The following SH3KBP1 variants were observed in gnomAD, a reference collection of about 807,000 sequenced individuals.
SH3KBP1 encodes the protein SH3 domain containing kinase binding protein 1.
In SH3KBP1, 8 loss-of-function variants were observed where a neutral mutation model predicts 50.1. The ratio of observed to expected loss-of-function variants is 0.16; its 90% CI spans 0.09 to 0.29. The LOEUF is 0.29. SH3KBP1 is among the 10% of genes least tolerant of loss of function. SH3KBP1 has a pLI of 1.00. For synonymous variants in SH3KBP1, 227 were observed against 218.6 expected (o/e 1.04, Z -0.34); for missense variants, 377 against 535.2 (o/e 0.70, Z 2.92).
At position 19,534,213 on chromosome X, in the gene SH3KBP1, G is replaced by A. The variant is rs868782725; in HGVS notation, c.*2204C>T. The A allele has an allele frequency of 9.2e-6, 1 of 108,363 alleles. No individual in the cohort carries two copies. Among genetic ancestry groups the A allele is most frequent in the African/African-American group, 3.3e-5 (1 of 29,851 alleles). The allele number at this position is 108,363 out of a possible 1,213,427, so 8.9% of individuals were successfully genotyped here. Reference sequence around the variant, plus strand: ...ATGGTGGCAGTTTGGGTAGCGGCTCGTCCAGTTCCTTGATGCAGAATCCTC... The same window carrying A: ...ATGGTGGCAGTTTGGGTAGCGGCTCATCCAGTTCCTTGATGCAGAATCCTC... On this transcript the variant is annotated 3_prime_UTR_variant, in exon 18 of 18. Transcript: ENST00000397821.
intron 14 of SH3KBP1, among the ~76,000 whole-genome samples, chrX:19,549,294 G>A (rs1849383697): frequency 1.8e-5 from 2 of 111,768 alleles, no homozygotes; most frequent in South Asian, 3.7e-4. Context: ...AAAAGTTAAC[G>A]GTTCTTTGCA....
intron 6 of SH3KBP1, among the ~76,000 whole-genome samples, chrX:19,676,052 C>T (rs1226327917): frequency 1.8e-5 from 2 of 111,869 alleles, no homozygotes; most frequent in East Asian, 5.7e-4. Context: ...TCATTAAAAA[C>T]CACAGGTTTT....
intron 8 of SH3KBP1, among the ~76,000 whole-genome samples, chrX:19,618,397 A>C (rs1255046261): frequency 1.9e-5 from 2 of 107,093 alleles, no homozygotes; most frequent in Admixed American, 1.0e-4. Context: ...AAAAAAAAAA[A>C]AAAAAAAAAA....
chrX:19,692,657 GTGTGTGTGTGTGTA>G (rs200297125), intron 5 of SH3KBP1, among the ~76,000 whole-genome samples: 2 of 78,159 alleles, frequency 2.6e-5, no homozygotes, highest in African/African-American at 1.1e-4. Context: ...GTGTGTGTGT[GTGTGTGTGTGTGTA>G]TGTATATATA....
chrX:19,817,247 T>C lies in SH3KBP1; in HGVS notation c.162+18878A>G, dbSNP rs967615863. ...CTTTTTCAAAATTGTTTTCAAAATGTTTTGACTATTGTAGTTCTCCTGATT... is the reference window on the plus strand; with the variant it reads ...CTTTTTCAAAATTGTTTTCAAAATGCTTTGACTATTGTAGTTCTCCTGATT... On this transcript the variant is annotated intron_variant, in intron 2 of 17. Coordinates refer to ENST00000397821, the MANE Select transcript of SH3KBP1 (RefSeq NM_031892.3). Among the ~76,000 whole-genome samples the C allele has an allele frequency of 5.3e-5, 6 of 112,243 alleles. No individual in the cohort carries two copies. The Admixed American group carries it at 5.7e-4, about 11-fold the overall frequency.
At chrX:19,758,243 G>A (rs911050619) in intron 2 of SH3KBP1, among the ~76,000 whole-genome samples, 12 of 103,739 alleles carry the variant, frequency 1.2e-4, no homozygotes, top group Non-Finnish European at 1.6e-4. Flanking sequence ...CAGGAGAATC[G>A]CTTGAACCCT....
chrX:19,544,485 T>C (rs1434352351), intron 15 of SH3KBP1, among the ~76,000 whole-genome samples: 1 of 111,140 alleles, frequency 9.0e-6, no homozygotes, highest in East Asian at 2.9e-4. Flanking sequence ...TCCAGCACTG[T>C]GACTGTGGCT....
At chrX:19,551,506 T>C (rs767263601) in intron 13 of SH3KBP1, among the ~76,000 whole-genome samples, 1 of 108,402 alleles carries the variant, frequency 9.2e-6, no homozygotes, top group Non-Finnish European at 1.9e-5. Context: ...TAAGAGAACC[T>C]TATTATTATT....
At chrX:19,630,789 T>C (rs754176420) in intron 8 of SH3KBP1, among the ~76,000 whole-genome samples, 1 of 111,969 alleles carries the variant, frequency 8.9e-6, no homozygotes, top group South Asian at 3.7e-4. Context: ...ATTTGGCTCT[T>C]AAAACACACA....
chrX:19,612,057 A>G (rs1244861996), intron 8 of SH3KBP1, among the ~76,000 whole-genome samples: 1 of 109,729 alleles, frequency 9.1e-6, no homozygotes, highest in Non-Finnish European at 1.9e-5. Flanking sequence ...AGTGGGATAG[A>G]GATTTACAGA....
intron 2 of SH3KBP1, among the ~76,000 whole-genome samples, chrX:19,802,253 G>C (rs1202725668): frequency 9.0e-6 from 1 of 111,200 alleles, no homozygotes; most frequent in Non-Finnish European, 1.9e-5. Flanking sequence ...AAATTAGCCA[G>C]TTGTGGTGGC....
intron 3 of SH3KBP1, among the ~76,000 whole-genome samples, chrX:19,741,503 G>A (rs2064768207): frequency 8.9e-6 from 1 of 112,305 alleles, no homozygotes; most frequent in African/African-American, 3.2e-5. Flanking sequence ...TGTATCAGGA[G>A]AGCATAATAA....
intron 12 of SH3KBP1, among the ~76,000 whole-genome samples, chrX:19,587,464 G>A (rs2147967482): frequency 9.0e-6 from 1 of 111,638 alleles, no homozygotes; most frequent in Non-Finnish European, 1.9e-5. Context: ...ACTTAAAATG[G>A]TTAGGATGGT....
At chrX:19,811,303 T>C (rs1290383366) in intron 2 of SH3KBP1, among the ~76,000 whole-genome samples, 2 of 111,776 alleles carry the variant, frequency 1.8e-5, no homozygotes, top group Non-Finnish European at 3.8e-5. Context: ...CCCATGAGGG[T>C]CCCGATATTA....
intron 5 of SH3KBP1, among the ~76,000 whole-genome samples, chrX:19,687,036 C>T (rs752928872): frequency 9.8e-5 from 11 of 112,437 alleles, no homozygotes; most frequent in Non-Finnish European, 1.3e-4. Flanking sequence ...CATCTCCTTC[C>T]CCTCAACTTT....
intron 16 of SH3KBP1, among the ~76,000 whole-genome samples, chrX:19,541,114 G>T (rs371276256): frequency 9.0e-6 from 1 of 111,035 alleles, no homozygotes; most frequent in African/African-American, 3.3e-5. Context: ...ACAGGGTTTC[G>T]CCATGTTGGC....
intron 3 of SH3KBP1, among the ~76,000 whole-genome samples, chrX:19,726,902 T>C (rs942243374): frequency 8.9e-6 from 1 of 112,139 alleles, no homozygotes; most frequent in African/African-American, 3.2e-5. Flanking sequence ...TTTTTACTTA[T>C]TGTACTATGT....
intron 1 of SH3KBP1, among the ~76,000 whole-genome samples, chrX:19,841,354 C>T (rs760974914): frequency 3.6e-5 from 4 of 112,506 alleles, no homozygotes; most frequent in Admixed American, 9.4e-5. Context: ...CACCTAGCAT[C>T]CTGTCTGCTT....
At chrX:19,868,809 G>A (rs1312897501) in intron 1 of SH3KBP1, among the ~76,000 whole-genome samples, 1 of 108,128 alleles carries the variant, frequency 9.2e-6, no homozygotes. Context: ...GGGACTGTCT[G>A]TAGAACCCAT....
Sources: gnomAD v4.1 joint callset for allele counts (sites outside exome capture counted in the v4.1 genomes callset) on GRCh38, gnomAD v4.1.1 for gene constraint, MANE v1.5 for transcripts, NCBI Gene and HGNC (gene_info 2026-07-23, HGNC 2026-07-21) for gene names.